The following RASGRF1 variants were observed in gnomAD, a reference collection of about 807,000 sequenced individuals.
RASGRF1 encodes ras-specific guanine nucleotide-releasing factor 1.
Under a neutral mutation model 138.7 loss-of-function variants are expected in RASGRF1, and 40 were observed. The ratio of observed to expected loss-of-function variants is 0.29; its 90% CI spans 0.22 to 0.38. The LOEUF is 0.38. Among genes scored for constraint, RASGRF1 ranks in the 10% least tolerant of loss-of-function variants. RASGRF1 has a pLI of 1.00. For missense variants in RASGRF1, 1,108 were observed against 1,650.4 expected, an observed-to-expected ratio of 0.67 and a Z score of 5.69; for synonymous variants, 614 against 663.2, an observed-to-expected ratio of 0.93 and a Z score of 1.14.
intron 23 of RASGRF1, among the ~76,000 whole-genome samples, chr15:78,982,729 G>C (rs2056061500): frequency 6.6e-6 from 1 of 152,114 alleles, no homozygotes; most frequent in Non-Finnish European, 1.5e-5. Flanking sequence ...GGCTGGACAA[G>C]AATGTTCCCT....
intron 5 of RASGRF1, among the ~76,000 whole-genome samples, chr15:79,044,407 A>T (rs2141021130): frequency 6.6e-6 from 1 of 152,294 alleles, no homozygotes; most frequent in African/African-American, 2.4e-5. Context: ...CATGGTAAAC[A>T]TCTGCTGGAT....
chr15:79,017,123 C>T, intron 12 of RASGRF1, among the ~76,000 whole-genome samples: 1 of 152,214 alleles, frequency 6.6e-6, no homozygotes, highest in East Asian at 1.9e-4. Flanking sequence ...ACCCCTTGTA[C>T]TTTAGGCACC....
chr15:79,069,006 TG>T (rs2057719009), intron 1 of RASGRF1, among the ~76,000 whole-genome samples: 1 of 151,728 alleles, frequency 6.6e-6, no homozygotes, highest in Non-Finnish European at 1.5e-5. Context: ...GGCTTGGGGG[TG>T]GGGGGTGTCT....
At chr15:79,003,563 T>C (rs1365148856) in intron 15 of RASGRF1, among the ~76,000 whole-genome samples, 1 of 152,234 alleles carries the variant, frequency 6.6e-6, no homozygotes, top group African/African-American at 2.4e-5. Context: ...ATCTAAAGTG[T>C]GGCGATGCCC....
chr15:79,024,165 T>C (rs1053024559), intron 10 of RASGRF1, among the ~76,000 whole-genome samples: 10 of 149,132 alleles, frequency 6.7e-5, no homozygotes, highest in Middle Eastern at 3.3e-3. Context: ...TATACACATA[T>C]ACCACACCCA....
Position 79,032,300 on chromosome 15 carries a change from G to C in RASGRF1, c.975C>G (p.Ile325Met). ...GGTAGATGTTGAGCATGGGCAGCAG[G>C]ATGTCAAATAGGTCAGCTGGAAGGA... Reference protein sequence around the residue: ...PTLVLADLFDILLPMLNIYQE... With the variant: ...PTLVLADLFDMLLPMLNIYQE... Residue 325 changes from isoleucine (I) to methionine (M), a missense_variant, in exon 7 of 27, where the codon ATC (isoleucine) becomes ATG (methionine). Physicochemically the swap from Ile to Met is conservative, Grantham distance 10. Coordinates refer to ENST00000558480, the MANE Select transcript of RASGRF1 (RefSeq NM_001145648.3). The surrounding 1 kb of genome is among the most constrained non-coding windows in gnomAD (Gnocchi z 4.5). 3.1e-6 allele frequency: 5 copies of C among 1,613,966 alleles called. No individual in the cohort carries two copies. The highest frequency in any genetic ancestry group is 4.2e-6 in the Non-Finnish European group (5 of 1,179,908).
Position 78,991,634 on chromosome 15 carries a change from T to C in RASGRF1, c.3131+57A>G, listed in dbSNP as rs2056269288. 3 of 1,371,488 alleles carry C rather than the reference T, an allele frequency of 2.2e-6. No individual in the cohort carries two copies. The African/African-American group carries it at 4.3e-5, about 20-fold the overall frequency. The allele number at this position is 1,371,488 out of a possible 1,614,324, so 85.0% of individuals were successfully genotyped here. On this transcript the variant is annotated intron_variant, in intron 21 of 26. Transcript: ENST00000558480. Reference sequence around the variant, plus strand: ...TTCACTGCGTGTGCTTCCAGGGTGCTGTCCAAGACAGTGCCTGAGGAAGCG... The same window carrying C: ...TTCACTGCGTGTGCTTCCAGGGTGCCGTCCAAGACAGTGCCTGAGGAAGCG...
At position 78,970,927 on chromosome 15, in the gene RASGRF1, T is replaced by C. The variant is rs148625012; in HGVS notation, c.3681+939A>G. 4.8e-4 allele frequency among the ~76,000 whole-genome samples: 73 copies of C among 151,822 alleles called. 1 individual carries two copies. In the East Asian group the frequency reaches 0.012, roughly 26 times the overall value. On this transcript the variant is annotated intron_variant, in intron 26 of 26. Transcript: ENST00000558480. ...TATATAACCTCCTTTCAGGGCTTCC[T>C]ATGGTCCTACGGACAAAGTCCCTGA...
intron 21 of RASGRF1, 58 bp downstream of exon 21, chr15:78,991,633 C>T: frequency 1.5e-6 from 2 of 1,358,754 alleles, no homozygotes; most frequent in Non-Finnish European, 2.1e-6. Flanking sequence ...TTCCAGGGTG[C>T]TGTCCAAGAC....
At chr15:78,967,743 A>C (rs1322726719) in intron 26 of RASGRF1, among the ~76,000 whole-genome samples, 1 of 152,132 alleles carries the variant, frequency 6.6e-6, no homozygotes, top group Non-Finnish European at 1.5e-5. Flanking sequence ...CTTTTTATTT[A>C]AAAAATATAA....
chr15:78,972,117 A>T (rs1184089854), intron 25 of RASGRF1, among the ~76,000 whole-genome samples, 183 bp from the exon 26 acceptor site: 1 of 152,058 alleles, frequency 6.6e-6, no homozygotes, highest in Non-Finnish European at 1.5e-5. Context: ...ATTTTTTGAG[A>T]TGGAGTCTCA....
At chr15:78,967,431 C>A (rs757886459) in intron 26 of RASGRF1, among the ~76,000 whole-genome samples, 1 of 151,934 alleles carries the variant, frequency 6.6e-6, no homozygotes, top group Middle Eastern at 3.4e-3. Flanking sequence ...ACCTGCAGTC[C>A]CAGCTATTCA....
chr15:79,075,360 C>T lies in RASGRF1; in HGVS notation c.277-10834G>A, dbSNP rs528224271. The stretch of plus-strand genomic sequence containing the variant: ...ACACCTGTGGCCTCAGTTGACCTGG[C>T]GGTGCCTGAGCTCCAGCGCATACCT... On this transcript the variant is annotated intron_variant, in intron 1 of 26. Coordinates refer to ENST00000558480, the MANE Select transcript of RASGRF1 (RefSeq NM_001145648.3). Among the ~76,000 whole-genome samples, 6 of 152,300 alleles carry T rather than the reference C, an allele frequency of 3.9e-5. No individual in the cohort carries two copies. The East Asian group carries it at 5.8e-4, about 15-fold the overall frequency.
intron 1 of RASGRF1, among the ~76,000 whole-genome samples, chr15:79,082,000 C>T (rs1428060708): frequency 6.6e-6 from 1 of 152,174 alleles, no homozygotes; most frequent in African/African-American, 2.4e-5. Context: ...GGATCCTGCC[C>T]CTGTAAGCTC....
At chr15:79,029,717 A>C (rs1299099689) in intron 8 of RASGRF1, among the ~76,000 whole-genome samples, 1 of 151,794 alleles carries the variant, frequency 6.6e-6, no homozygotes, top group African/African-American at 2.4e-5. Context: ...TGCTTGTGGG[A>C]GCGTGAAAGG....
intron 20 of RASGRF1, among the ~76,000 whole-genome samples, chr15:78,995,076 C>T (rs561807436): frequency 7.2e-5 from 11 of 151,860 alleles, no homozygotes; most frequent in Non-Finnish European, 1.5e-4. Flanking sequence ...CACAGGCATG[C>T]GCCACCATGC....
Position 78,973,797 on chromosome 15 carries a change from C to A in RASGRF1, c.3495-377G>T, listed in dbSNP as rs1350129528. Among the ~76,000 whole-genome samples, 1 of 152,148 alleles carries A rather than the reference C, an allele frequency of 6.6e-6. No individual in the cohort carries two copies. The highest frequency in any genetic ancestry group is 1.5e-5 in the Non-Finnish European group (1 of 68,012). On this transcript the variant is annotated intron_variant, in intron 24 of 26. Transcript: ENST00000558480. This position sits in a 1 kb window ranked among gnomAD's most constrained non-coding sequence, Gnocchi z 4.9. ...ACCTTTCCTATCTCTCCCTGAGACTCTCCCATCCGGATCCTCCCCCGAATC... is the reference window on the plus strand; with the variant it reads ...ACCTTTCCTATCTCTCCCTGAGACTATCCCATCCGGATCCTCCCCCGAATC...
At chr15:78,984,578 G>A (rs1038161278) in intron 23 of RASGRF1, 2 of 237,010 alleles carry the variant, frequency 8.4e-6, no homozygotes, top group East Asian at 9.6e-5. Flanking sequence ...TTAGAATCCT[G>A]GGAAGGGGCT....
At chr15:79,047,494 A>G (rs28615659) in intron 4 of RASGRF1, among the ~76,000 whole-genome samples, 3,277 of 152,350 alleles carry the variant, frequency 0.022, 70 homozygotes, top group African/African-American at 0.049. Context: ...CTGAGAGCCC[A>G]GAAGTTTAAA....
Sources: allele counts gnomAD v4.1 joint callset (sites outside exome capture counted in the v4.1 genomes callset), GRCh38; gene constraint gnomAD v4.1.1; non-coding constraint Gnocchi (gnomAD v3.1); transcripts MANE v1.5; gene names NCBI Gene and HGNC (gene_info 2026-07-23, HGNC 2026-07-21).